Variants in RABEP2 observed in about 807,000 individuals in gnomAD.
RABEP2 encodes rab GTPase-binding effector protein 2.
A neutral mutation model predicts 74.1 loss-of-function variants in RABEP2; 57 were observed. The observed-to-expected ratio is 0.77, with a 90% CI of 0.62 to 0.96. RABEP2 has a LOEUF of 0.96. Among genes scored for constraint, RABEP2 ranks in the 40% least tolerant of loss-of-function variants. The pLI is 0.00. For synonymous variants in RABEP2, 351 were observed against 344.0 expected, an observed-to-expected ratio of 1.02 and a Z score of -0.23; for missense variants, 692 against 756.3, an observed-to-expected ratio of 0.91 and a Z score of 1.00.
At chr16:28,924,065 T>C (rs1964502176) in intron 2 of RABEP2, 5 of 349,220 alleles carry the variant, frequency 1.4e-5, no homozygotes. Flanking sequence ...TTCCCAGAAG[T>C]CCAGACTAAA....
rs1964201128 is a variant in RABEP2, at chr16:28,904,977, G to A, written c.1676C>T (p.Pro559Leu). The A allele has an allele frequency of 6.2e-7, 1 of 1,612,808 alleles. No homozygotes were observed. Among genetic ancestry groups the A allele is most frequent in the South Asian group, 1.1e-5 (1 of 91,082 alleles). ...EQVRSIMDEAPLTDVRDIKDT is the reference protein window; with the variant it reads ...EQVRSIMDEALLTDVRDIKDT ...CTTGATGTCCCTGACGTCCGTGAGT[G>A]GCGCCTCATCCATGATGCTGCGCAC... The change falls in exon 13 of 13, where the codon CCA becomes CTA. Residue 559 changes from proline (P) to leucine (L), a missense_variant. Pro to Leu is a moderately conservative substitution (Grantham distance 98). Coordinates refer to ENST00000358201, the MANE Select transcript of RABEP2 (RefSeq NM_024816.3).
Position 28,924,521 on chromosome 16 carries a change from T to C in RABEP2, c.156A>G (p.Ala52=), listed in dbSNP as rs757910616. Residue 52 remains alanine (A), a synonymous_variant, in exon 2 of 13, where the codon GCA becomes GCG. Transcript: ENST00000358201. ...CCACAGCCTTCATGGTTTCCATTTC[T>C]GCCAGGGCGCCTGCCAGCTCAGCCC... ...RLRAELAGAL[A]EMETMKAVAE... 35 of 1,614,080 alleles carry C rather than the reference T, an allele frequency of 2.2e-5. No homozygotes were observed. The highest frequency in any genetic ancestry group is 3.0e-5 in the Non-Finnish European group (35 of 1,180,028).
intron 5 of RABEP2, among the ~76,000 whole-genome samples, chr16:28,913,059 TTCAAGC>T (rs1964335801): frequency 6.6e-6 from 1 of 151,908 alleles, no homozygotes; most frequent in African/African-American, 2.4e-5. Context: ...GCCTCCTGGG[TTCAAGC>T]GATTCTCCTG....
intron 8 of RABEP2, among the ~76,000 whole-genome samples, chr16:28,908,346 G>A (rs138698656): frequency 2.0e-4 from 30 of 152,288 alleles, no homozygotes; most frequent in African/African-American, 6.5e-4. Context: ...TGTGGCTCGC[G>A]TGTCACTTAA....
At position 28,924,109 on chromosome 16, in the gene RABEP2, G is replaced by A. The variant is rs962195478; in HGVS notation, c.274+294C>T. ...GGTTTGGGGAACTGAGAAGTTTCTC[G>A]CCCATCTTCAGGGTTGATCAATCAT... On this transcript the variant is annotated intron_variant, in intron 2 of 12. Coordinates refer to ENST00000358201, the MANE Select transcript of RABEP2 (RefSeq NM_024816.3). 9.3e-6 allele frequency: 4 copies of A among 428,602 alleles called. No homozygotes were observed. The East Asian group carries it at 1.5e-4, about 16-fold the overall frequency. The allele number at this position is 428,602 out of a possible 1,614,324, so 26.5% of individuals were successfully genotyped here. A position where few individuals can be genotyped will look rare whatever the true frequency, so the allele number is the denominator to read the frequency against.
Position 28,914,726 on chromosome 16 carries a change from G to T in RABEP2, c.489C>A (p.Ile163=), listed in dbSNP as rs755291898. ...REIVLPMEKE[I]EELKAKLLRA... ...TCAGCAGCTTCGCCTTCAGCTCCTC[G>T]ATCTCCTTTTCCATGGGCAGTACGA... is the stretch of plus-strand genomic sequence containing the variant. The change falls in exon 4 of 13, where the codon ATC becomes ATA. Residue 163 remains isoleucine, a synonymous_variant. Coordinates refer to ENST00000358201, the MANE Select transcript of RABEP2 (RefSeq NM_024816.3). 6.2e-7 allele frequency: 1 copy of T among 1,614,106 alleles called. No individual in the cohort carries two copies. Among genetic ancestry groups the T allele is most frequent in the South Asian group, 1.1e-5 (1 of 91,084 alleles).
chr16:28,916,691 A>G (rs1359414214), intron 3 of RABEP2, among the ~76,000 whole-genome samples: 1 of 150,422 alleles, frequency 6.6e-6, no homozygotes, highest in Middle Eastern at 3.2e-3. Flanking sequence ...AAAAAAAAAA[A>G]AAAAAAATTT....
At chr16:28,908,564 G>GC (rs759527346) in intron 8 of RABEP2, 45 bp downstream of exon 8, 3 of 1,547,846 alleles carry the variant, frequency 1.9e-6, no homozygotes, top group Non-Finnish European at 2.6e-6. Flanking sequence ...GGAAGAAGGG[G>GC]CCCTCACGGT....
In RABEP2 at chr16:28,914,385, G is replaced by A. The variant is rs767566190; in HGVS notation, c.745C>T (p.Leu249=). The A allele has an allele frequency of 1.2e-6, 2 of 1,613,318 alleles. No homozygotes were observed. Among genetic ancestry groups the A allele is most frequent in the Non-Finnish European group, 1.7e-6 (2 of 1,179,994 alleles). Residue 249 remains leucine (L), a synonymous_variant, in exon 5 of 13, where the codon CTG becomes TTG. Transcript: ENST00000358201. ...LGGGVGSSSS[L]PQSRQGLSPE... is the part of the protein sequence containing the mutation. The stretch of plus-strand genomic sequence containing the variant: ...CTCAGGCCCTGGCGGCTTTGGGGCA[G>A]GGAGGAGCTGCTGCCGACCCCACCG...
In RABEP2 at chr16:28,914,598, G is replaced by C; in HGVS notation, c.544-12C>G. 1 of 1,610,486 alleles carries C rather than the reference G, an allele frequency of 6.2e-7. No homozygotes were observed. The highest frequency in any genetic ancestry group is 8.5e-7 in the Non-Finnish European group (1 of 1,178,174). ...TGCCGGGGACGTCTCTAGGGAAGGG[G>C]GCAGGGAAGAGGCTGGGGGGCCAGG... On this transcript the variant is annotated splice_polypyrimidine_tract_variant and intron_variant, in intron 4 of 12. Transcript: ENST00000358201.
chr16:28,906,246 G>A, intron 8 of RABEP2, 50 bp from the exon 9 acceptor site: 1 of 1,494,522 alleles, frequency 6.7e-7, no homozygotes, highest in Non-Finnish European at 8.8e-7. Flanking sequence ...GAGGGCAGGA[G>A]GGCAGGGGCC....
Position 28,908,696 on chromosome 16 carries a change from C to A in RABEP2, c.1158G>T (p.Gly386=). The A allele has an allele frequency of 1.2e-6, 2 of 1,614,200 alleles. No homozygotes were observed. Among genetic ancestry groups the A allele is most frequent in the Non-Finnish European group, 1.7e-6 (2 of 1,180,032 alleles). Residue 386 remains glycine, a synonymous_variant, in exon 8 of 13, where the codon GGG becomes GGT. Transcript: ENST00000358201. ...EVKRLNEENQ[G]LRAEQLPSSA... Reference sequence around the variant, plus strand: ...AGGATGGCAGCTGCTCGGCCCGGAGCCCTTGGTTTTCCTCATTCAACCGCT... The same window carrying A: ...AGGATGGCAGCTGCTCGGCCCGGAGACCTTGGTTTTCCTCATTCAACCGCT...
chr16:28,923,792 T>C (rs1964498116), intron 2 of RABEP2, among the ~76,000 whole-genome samples: 1 of 151,968 alleles, frequency 6.6e-6, no homozygotes, highest in Admixed American at 6.6e-5. Context: ...CAGGAGAGAG[T>C]TGACGAGAGC....
chr16:28,911,783 C>A (rs1255337077), intron 5 of RABEP2, among the ~76,000 whole-genome samples: 1 of 151,478 alleles, frequency 6.6e-6, no homozygotes, highest in African/African-American at 2.4e-5. Flanking sequence ...CTTGTCTCTA[C>A]TAAAAATACA....
At position 28,905,376 on chromosome 16, in the gene RABEP2, C is replaced by T. The variant is rs370029255; in HGVS notation, c.1608+21G>A. On this transcript the variant is annotated intron_variant, in intron 12 of 12. Transcript: ENST00000358201. ...CCCGGAGTGGAGCCAGCCAGCCTGG[C>T]GGGGCTGGGACAGGCCATACCTGCA... The T allele has an allele frequency of 4.6e-5, 72 of 1,571,508 alleles. 1 individual carries two copies. Among genetic ancestry groups the T allele is most frequent in the South Asian group, 1.8e-4 (16 of 88,282 alleles).
intron 2 of RABEP2, chr16:28,924,123 T>C (rs1392338419): frequency 1.3e-5 from 6 of 479,440 alleles, no homozygotes; most frequent in Admixed American, 1.1e-4. Context: ...ATCTTCAGGG[T>C]TGATCAATCA....
intron 8 of RABEP2, among the ~76,000 whole-genome samples, chr16:28,907,509 G>C (rs1964252005): frequency 6.6e-6 from 1 of 152,096 alleles, no homozygotes; most frequent in South Asian, 2.1e-4. Flanking sequence ...TTGTTGCCCA[G>C]GCTGGTCTTG....
At chr16:28,911,016 C>G (rs1437271557) in intron 6 of RABEP2, 30 bp from the exon 7 acceptor site, 8 of 1,610,152 alleles carry the variant, frequency 5.0e-6, no homozygotes, top group Non-Finnish European at 6.8e-6. Context: ...AAAGTGAGGG[C>G]AAGGGCATGT....
At chr16:28,914,182 G>T in intron 5 of RABEP2, 54 bp downstream of exon 5, 1 of 1,418,632 alleles carries the variant, frequency 7.0e-7, no homozygotes, top group Non-Finnish European at 9.5e-7. Flanking sequence ...TGCGGGGGAA[G>T]CATCCAGCAG....
Sources: gnomAD v4.1 joint callset for allele counts (sites outside exome capture counted in the v4.1 genomes callset) on GRCh38, gnomAD v4.1.1 for gene constraint, MANE v1.5 for transcripts, NCBI Gene and HGNC (gene_info 2026-07-23, HGNC 2026-07-21) for gene names.